CNBP: variants seen among roughly 807,000 people sequenced by gnomAD.
CNBP encodes cellular nucleic acid-binding protein.
CNBP carries 6 observed loss-of-function variants against 21.2 expected under a neutral mutation model. The observed-to-expected ratio is 0.28, with a 90% confidence interval of 0.16 to 0.56. The LOEUF is 0.56. Among genes scored for constraint, CNBP ranks in the 20% least tolerant of loss-of-function variants. CNBP has a pLI of 0.93. For missense variants in CNBP, 112 were observed against 233.1 expected (o/e 0.48, Z 3.38); for synonymous variants, 61 against 74.9 (o/e 0.81, Z 0.96).
Position 129,168,702 on chromosome 3 carries a change from C to T in CNBP, c.*1751G>A, listed in dbSNP as rs116852696. Among the ~76,000 whole-genome samples, 7,590 of 150,136 alleles carry T rather than the reference C, an allele frequency of 0.051. 360 individuals are homozygous for T. The highest frequency in any genetic ancestry group is 0.16 in the East Asian group (805 of 5,022). ...ATCGGCCAGACACGGTGGCTCGCAC[C>T]TGTAACACTAGCACTTTGGGGGGCG... On this transcript the variant is annotated 3_prime_UTR_variant, in exon 5 of 5. Transcript: ENST00000422453.
At chr3:129,176,674 A>G (rs1325655937) in intron 1 of CNBP, among the ~76,000 whole-genome samples, 1 of 152,174 alleles carries the variant, frequency 6.6e-6, no homozygotes, top group Non-Finnish European at 1.5e-5. Context: ...TTTTGTACTC[A>G]CTAAGGACTG....
intron 1 of CNBP, among the ~76,000 whole-genome samples, chr3:129,183,515 G>A (rs900318184): frequency 2.0e-5 from 3 of 152,240 alleles, no homozygotes; most frequent in African/African-American, 7.2e-5. Context: ...CTGGGGTGCG[G>A]CCGTGGCGCC....
At chr3:129,180,607 G>A (rs923818511) in intron 1 of CNBP, among the ~76,000 whole-genome samples, 1 of 152,148 alleles carries the variant, frequency 6.6e-6, no homozygotes, top group Non-Finnish European at 1.5e-5. Flanking sequence ...GCATTCCCTT[G>A]CTGCTGCAGC....
In CNBP at chr3:129,171,291, G is replaced by A; in HGVS notation, c.218-14C>T. ...AGTTATAGCAGGCTTCAACAATAAGGAAAAGAAACAGGCCAAGACTATAAA... is the reference window on the plus strand; with the variant it reads ...AGTTATAGCAGGCTTCAACAATAAGAAAAAGAAACAGGCCAAGACTATAAA... On this transcript the variant is annotated splice_polypyrimidine_tract_variant and intron_variant, in intron 3 of 4. Coordinates refer to ENST00000422453, the MANE Select transcript of CNBP (RefSeq NM_003418.5). 1.2e-6 allele frequency: 2 copies of A among 1,613,944 alleles called. No individual in the cohort carries two copies. Among genetic ancestry groups the A allele is most frequent in the Non-Finnish European group, 1.7e-6 (2 of 1,179,902 alleles).
chr3:129,175,432 CTTTTTT>C (rs369005126), intron 1 of CNBP, among the ~76,000 whole-genome samples: 3 of 122,104 alleles, frequency 2.5e-5, no homozygotes, highest in Admixed American at 8.2e-5. Flanking sequence ...AGATGTTTTG[CTTTTTT>C]TTTTTTTTTT....
At chr3:129,177,003 C>A (rs565323440) in intron 1 of CNBP, among the ~76,000 whole-genome samples, 44 of 152,198 alleles carry the variant, frequency 2.9e-4, no homozygotes, top group Non-Finnish European at 5.6e-4. Context: ...AATTTACACC[C>A]AAGACAACTA....
At chr3:129,178,805 C>G (rs535968388) in intron 1 of CNBP, among the ~76,000 whole-genome samples, 12 of 151,678 alleles carry the variant, frequency 7.9e-5, no homozygotes, top group African/African-American at 2.9e-4. Flanking sequence ...TGCAGTGGCA[C>G]GATCTCGGCT....
At chr3:129,172,691 GACAGACACACACACACAC>G (rs1937633903) in intron 1 of CNBP, among the ~76,000 whole-genome samples, 2 of 74,660 alleles carry the variant, frequency 2.7e-5, no homozygotes, top group Non-Finnish European at 2.8e-5. Flanking sequence ...CAGACAGACA[GACAGACACACACACACAC>G]ACACACACAC....
At position 129,167,836 on chromosome 3, in the gene CNBP, C is replaced by G. The variant is rs1371952569; in HGVS notation, c.*2617G>C. Among the ~76,000 whole-genome samples the G allele has an allele frequency of 2.0e-5, 3 of 152,144 alleles. No homozygotes were observed. Among genetic ancestry groups the G allele is most frequent in the African/African-American group, 7.2e-5 (3 of 41,428 alleles). On this transcript the variant is annotated 3_prime_UTR_variant, in exon 5 of 5. Coordinates refer to ENST00000422453, the MANE Select transcript of CNBP (RefSeq NM_003418.5). ...TACATATGGTAGAAAATAAAATTGTCAAGATATTTATTGTGTTAACATGTG... is the reference window on the plus strand; with the variant it reads ...TACATATGGTAGAAAATAAAATTGTGAAGATATTTATTGTGTTAACATGTG...
chr3:129,180,499 A>C (rs982330863), intron 1 of CNBP, among the ~76,000 whole-genome samples: 3 of 152,220 alleles, frequency 2.0e-5, no homozygotes, highest in Admixed American at 6.5e-5. Context: ...AAATCCTTCT[A>C]ATTACAACTT....
At chr3:129,174,369 A>AAAAAAAAC (rs1937745822) in intron 1 of CNBP, among the ~76,000 whole-genome samples, 1 of 149,902 alleles carries the variant, frequency 6.7e-6, no homozygotes, top group African/African-American at 2.5e-5. Context: ...AAAAAAAAAA[A>AAAAAAAAC]AAAAACGAAT....
In CNBP at chr3:129,168,247, A is replaced by G. The variant is rs1003902542; in HGVS notation, c.*2206T>C. 1.3e-5 allele frequency among the ~76,000 whole-genome samples: 2 copies of G among 152,164 alleles called. No homozygotes were observed. The highest frequency in any genetic ancestry group is 4.8e-5 in the African/African-American group (2 of 41,424). ...TAAGTAAATTAAGTTTAACTCATCTATTAAAAAGTGAGTTAAAACAGATGA... is the reference window on the plus strand; with the variant it reads ...TAAGTAAATTAAGTTTAACTCATCTGTTAAAAAGTGAGTTAAAACAGATGA... On this transcript the variant is annotated 3_prime_UTR_variant, in exon 5 of 5. Transcript: ENST00000422453.
intron 1 of CNBP, among the ~76,000 whole-genome samples, chr3:129,180,634 A>G (rs111828971): frequency 1.3e-5 from 2 of 152,274 alleles, no homozygotes; most frequent in African/African-American, 4.8e-5. Context: ...CACTGCCAGA[A>G]CAGGAGTTCT....
At chr3:129,177,132 C>T (rs941922823) in intron 1 of CNBP, among the ~76,000 whole-genome samples, 2 of 152,150 alleles carry the variant, frequency 1.3e-5, no homozygotes, top group Non-Finnish European at 2.9e-5. Flanking sequence ...TACATGCTAA[C>T]TTCAATAAAA....
At chr3:129,173,370 G>A (rs1937670064) in intron 1 of CNBP, among the ~76,000 whole-genome samples, 2 of 152,166 alleles carry the variant, frequency 1.3e-5, no homozygotes, top group Admixed American at 1.3e-4. Flanking sequence ...CCACTTCACA[G>A]ATACCAAGAG....
At chr3:129,172,636 G>GCAGGCAGACAGGCAGC (rs1937614361) in intron 1 of CNBP, among the ~76,000 whole-genome samples, 2 of 46,354 alleles carry the variant, frequency 4.3e-5, no homozygotes, top group African/African-American at 1.2e-4. Context: ...AGGCAGGCAG[G>GCAGGCAGACAGGCAGC]CAGGCAGGCA....
chr3:129,181,291 T>C (rs966665206), intron 1 of CNBP, among the ~76,000 whole-genome samples: 1 of 140,008 alleles, frequency 7.1e-6, no homozygotes, highest in African/African-American at 2.7e-5. Context: ...TCATAAATCA[T>C]GTAACAAAAC....
chr3:129,176,350 C>G (rs1210344613), intron 1 of CNBP, among the ~76,000 whole-genome samples: 1 of 152,204 alleles, frequency 6.6e-6, no homozygotes, highest in East Asian at 1.9e-4. Flanking sequence ...TGGAACTACC[C>G]TCCCTATTAA....
At chr3:129,178,387 G>A (rs1048252814) in intron 1 of CNBP, among the ~76,000 whole-genome samples, 7 of 152,138 alleles carry the variant, frequency 4.6e-5, no homozygotes, top group African/African-American at 1.7e-4. Context: ...CTAACAGTAT[G>A]TGGTCAAGAC....
Sources: gnomAD v4.1 joint callset for allele counts (sites outside exome capture counted in the v4.1 genomes callset) on GRCh38, gnomAD v4.1.1 for gene constraint, MANE v1.5 for transcripts, NCBI Gene and HGNC (gene_info 2026-07-23, HGNC 2026-07-21) for gene names.